Variants in PALM2AKAP2 observed in about 807,000 individuals in gnomAD.
PALM2AKAP2 encodes PALM2 and AKAP2 fusion.
In PALM2AKAP2, 37 loss-of-function variants were observed where a neutral mutation model predicts 71.5. The ratio of observed to expected loss-of-function variants is 0.52; its 90% CI spans 0.40 to 0.68. The LOEUF is 0.68. Among genes scored for constraint, PALM2AKAP2 ranks in the 30% least tolerant of loss-of-function variants. PALM2AKAP2 has a pLI of 0.00. For missense variants in PALM2AKAP2, 1,224 were observed against 1,191.8 expected (o/e 1.03, Z -0.40); for synonymous variants, 468 against 478.8 (o/e 0.98, Z 0.29).
At chr9:109,856,340 T>G (rs1271401021) in intron 1 of PALM2AKAP2, among the ~76,000 whole-genome samples, 1 of 152,248 alleles carries the variant, frequency 6.6e-6, no homozygotes, top group Non-Finnish European at 1.5e-5. Context: ...AAGCTACATC[T>G]GTGAATCGCC....
intron 1 of PALM2AKAP2, among the ~76,000 whole-genome samples, chr9:110,101,769 A>G (rs1209279230): frequency 6.6e-6 from 1 of 152,218 alleles, no homozygotes; most frequent in Non-Finnish European, 1.5e-5. Context: ...AAGTAAGGGA[A>G]TTTCAGCTGA....
chr9:109,774,705 G>A (rs1015083717), intron 1 of PALM2AKAP2, among the ~76,000 whole-genome samples: 1 of 151,612 alleles, frequency 6.6e-6, no homozygotes, highest in Non-Finnish European at 1.5e-5. Flanking sequence ...ATAAAATGAA[G>A]TCATTCACTT....
At chr9:109,808,744 T>C (rs1827645398) in intron 1 of PALM2AKAP2, among the ~76,000 whole-genome samples, 1 of 152,254 alleles carries the variant, frequency 6.6e-6, no homozygotes, top group African/African-American at 2.4e-5. Context: ...GAGGTCTTCA[T>C]GGCAGCCCCT....
intron 1 of PALM2AKAP2, among the ~76,000 whole-genome samples, chr9:109,742,596 CT>C (rs1173053531): frequency 6.6e-6 from 1 of 152,208 alleles, no homozygotes; most frequent in Non-Finnish European, 1.5e-5. Flanking sequence ...CCCACACATA[CT>C]ATGACCATTT....
chr9:109,657,452 T>TTTTGTGTGTGTG (rs112474230), intron 1 of PALM2AKAP2, among the ~76,000 whole-genome samples: 6 of 147,106 alleles, frequency 4.1e-5, no homozygotes, highest in African/African-American at 1.5e-4. Flanking sequence ...AATATGGTAT[T>TTTTGTGTGTGTG]TGTGTGTGTG....
chr9:110,081,026 T>C (rs190148364), intron 1 of PALM2AKAP2, among the ~76,000 whole-genome samples: 8 of 152,320 alleles, frequency 5.3e-5, no homozygotes, highest in African/African-American at 1.9e-4. Flanking sequence ...ACCAATGAAC[T>C]GAAGTTCAAT....
chr9:110,135,796 A>C (rs1835850136), intron 1 of PALM2AKAP2, among the ~76,000 whole-genome samples: 2 of 152,204 alleles, frequency 1.3e-5, no homozygotes, highest in South Asian at 2.1e-4. Context: ...AATCCTATTA[A>C]TAGTCGTATT....
At position 110,135,164 on chromosome 9, in the gene PALM2AKAP2, A is replaced by AAAAAAAAATATATATATATATATAT; in HGVS notation, c.157-962_157-961insAAAAAAATATATATATATATATATA. Among the ~76,000 whole-genome samples the AAAAAAAAATATATATATATATATAT allele has an allele frequency of 3.7e-4, 19 of 51,718 alleles. 2 individuals are homozygous for AAAAAAAAATATATATATATATATAT. The highest frequency in any genetic ancestry group is 2.5e-3 in the East Asian group (2 of 792). The allele number at this position is 51,718 out of a possible 152,430, so 33.9% of individuals were successfully genotyped here. A position where few individuals can be genotyped will look rare whatever the true frequency, so the allele number is the denominator to read the frequency against. On this transcript the variant is annotated intron_variant, in intron 1 of 3. Transcript: ENST00000374525. ...AACTCTGTCTCTACAAAAAAAAAAAAATATATAAATATATATATATATATA... is the reference window on the plus strand; with the variant it reads ...AACTCTGTCTCTACAAAAAAAAAAAAAAAAAAAATATATATATATATATATATATATAAATATATATATATATATA...
At position 110,122,173 on chromosome 9, in the gene PALM2AKAP2, G is replaced by A. The variant is rs143651334; in HGVS notation, c.157-13954G>A. Among the ~76,000 whole-genome samples the A allele has an allele frequency of 7.6e-4, 115 of 152,168 alleles. 1 individual carries two copies. Among genetic ancestry groups the A allele is most frequent in the African/African-American group, 2.7e-3 (113 of 41,498 alleles). Reference sequence around the variant, plus strand: ...AGCCTCCCAAGTAGCTGTACTATAGGTGCATGCCACCGAACCTGGCTACTT... The same window carrying A: ...AGCCTCCCAAGTAGCTGTACTATAGATGCATGCCACCGAACCTGGCTACTT... On this transcript the variant is annotated intron_variant, in intron 1 of 3. Coordinates refer to ENST00000374525, the Ensembl canonical transcript of PALM2AKAP2.
intron 2 of PALM2AKAP2, among the ~76,000 whole-genome samples, chr9:110,155,857 A>C (rs1836441833): frequency 6.6e-6 from 1 of 152,190 alleles, no homozygotes; most frequent in African/African-American, 2.4e-5. Context: ...CCTGGTGAGG[A>C]AAGCAGGAGG....
chr9:109,655,016 G>A (rs558618755), intron 1 of PALM2AKAP2, among the ~76,000 whole-genome samples: 13 of 152,102 alleles, frequency 8.5e-5, no homozygotes, highest in Non-Finnish European at 1.6e-4. Context: ...GGGGCCGGGC[G>A]CGGTGGCTCA....
At chr9:110,096,870 A>G (rs1206795256) in intron 1 of PALM2AKAP2, among the ~76,000 whole-genome samples, 3 of 152,140 alleles carry the variant, frequency 2.0e-5, no homozygotes, top group Non-Finnish European at 4.4e-5. Flanking sequence ...CATAGCATGA[A>G]TGATGTAATA....
chr9:109,848,600 G>C (rs557788858), intron 1 of PALM2AKAP2, among the ~76,000 whole-genome samples: 1 of 152,042 alleles, frequency 6.6e-6, no homozygotes, highest in Non-Finnish European at 1.5e-5. Context: ...TGCAGCCTGG[G>C]CCGTGCCCAT....
chr9:109,846,531 G>A (rs547696110), intron 1 of PALM2AKAP2, among the ~76,000 whole-genome samples: 7 of 152,312 alleles, frequency 4.6e-5, no homozygotes, highest in African/African-American at 1.7e-4. Flanking sequence ...CCATATCAAT[G>A]AAGCCTTTGC....
intron 3 of PALM2AKAP2, among the ~76,000 whole-genome samples, chr9:109,912,205 G>A (rs1830585542): frequency 6.6e-6 from 1 of 152,044 alleles, no homozygotes. Flanking sequence ...GTTTGGGAAG[G>A]AGGTGAGAGG....
intron 7 of PALM2AKAP2, among the ~76,000 whole-genome samples, chr9:110,026,894 T>G (rs1158047257): frequency 2.6e-5 from 4 of 152,042 alleles, no homozygotes; most frequent in African/African-American, 9.6e-5. Flanking sequence ...AATACAAAAA[T>G]TAGCTGGGTG....
At chr9:109,648,753 C>T (rs58776455) in intron 1 of PALM2AKAP2, among the ~76,000 whole-genome samples, 68 of 152,312 alleles carry the variant, frequency 4.5e-4, no homozygotes, top group African/African-American at 1.5e-3. Context: ...AGAACACCAC[C>T]AGCCCTTTCA....
chr9:109,962,066 T>C (rs1047359175), intron 6 of PALM2AKAP2, among the ~76,000 whole-genome samples: 2 of 152,194 alleles, frequency 1.3e-5, no homozygotes, highest in African/African-American at 2.4e-5. Flanking sequence ...CGTTTGCAAA[T>C]GTATGTTCAT....
Position 109,943,317 on chromosome 9 carries a change from A to T in PALM2AKAP2, c.496+11289A>T, listed in dbSNP as rs373079124. Reference sequence around the variant, plus strand: ...AGCTTGTGTCCGGGAGGCCGGTCTCAGACACCACAGAGCCCTCATCCCCAG... The same window carrying T: ...AGCTTGTGTCCGGGAGGCCGGTCTCTGACACCACAGAGCCCTCATCCCCAG... On this transcript the variant is annotated intron_variant, in intron 6 of 9. Coordinates refer to the PALM2AKAP2 transcript ENST00000302798. The T allele has an allele frequency of 4.2e-5, 68 of 1,614,238 alleles. No individual in the cohort carries two copies. In the African/African-American group the frequency reaches 8.8e-4, roughly 21 times the overall value.
Sources: allele counts gnomAD v4.1 joint callset (sites outside exome capture counted in the v4.1 genomes callset), GRCh38; gene constraint gnomAD v4.1.1; transcripts MANE v1.5; gene names NCBI Gene and HGNC (gene_info 2026-07-23, HGNC 2026-07-21).